OTUB1: variants seen among roughly 807,000 people sequenced by gnomAD.
The protein encoded by OTUB1 is ubiquitin thioesterase OTUB1.
A neutral mutation model predicts 35.8 loss-of-function variants in OTUB1; 10 were observed. The observed-to-expected ratio is 0.28, with a 90% CI of 0.17 to 0.47. The LOEUF (loss-of-function observed/expected upper bound fraction) is 0.47. Among genes scored for constraint, OTUB1 ranks in the 20% least tolerant of loss-of-function variants. The pLI is 0.99. For missense variants in OTUB1, 264 were observed against 351.6 expected, an observed-to-expected ratio of 0.75 and a Z score of 1.99; for synonymous variants, 158 against 143.8, an observed-to-expected ratio of 1.10 and a Z score of -0.71.
chr11:63,986,719 A>G, intron 1 of OTUB1: 2 of 542,158 alleles, frequency 3.7e-6, no homozygotes, highest in Non-Finnish European at 6.5e-6. Flanking sequence ...AGCACGGGCG[A>G]GGCGGGCCAA....
At position 63,997,663 on chromosome 11, in the gene OTUB1, ACCCCC is replaced by A. The variant is rs35556442; in HGVS notation, c.*122_*126del. Reference sequence around the variant, plus strand: ...TTCACCCCCTTCTTCCTGTCACATGACCCCCCCCCATGTTTTATTAAAGGGGGTGC... The same window carrying A: ...TTCACCCCCTTCTTCCTGTCACATGACCCCATGTTTTATTAAAGGGGGTGC... On this transcript the variant is annotated 3_prime_UTR_variant, in exon 7 of 7. Coordinates refer to ENST00000538426, the MANE Select transcript of OTUB1 (RefSeq NM_017670.3). 3 of 784,060 alleles carry A rather than the reference ACCCCC, an allele frequency of 3.8e-6. No individual in the cohort carries two copies. Among genetic ancestry groups the A allele is most frequent in the Non-Finnish European group, 6.4e-6 (3 of 465,730 alleles). 48.6% of individuals were successfully genotyped at this position (784,060 alleles called of 1,614,324 possible). A position where few individuals can be genotyped will look rare whatever the true frequency, so the allele number is the denominator to read the frequency against.
intron 3 of OTUB1, among the ~76,000 whole-genome samples, chr11:63,994,470 C>T (rs1373932310): frequency 6.6e-6 from 1 of 152,232 alleles, no homozygotes; most frequent in Non-Finnish European, 1.5e-5. Flanking sequence ...CCAGGATGGT[C>T]TTGATCTCTT....
intron 1 of OTUB1, 21 bp downstream of exon 1, chr11:63,986,535 G>A: frequency 6.5e-7 from 1 of 1,537,270 alleles, no homozygotes. Context: ...AAGGAGGGAT[G>A]TCCGGCCCGG....
Position 63,998,010 on chromosome 11 carries a change from A to G in OTUB1, c.*464A>G. 1 of 536,158 alleles carries G rather than the reference A, an allele frequency of 1.9e-6. No homozygotes were observed. Among genetic ancestry groups the G allele is most frequent in the Non-Finnish European group, 3.3e-6 (1 of 300,160 alleles). 33.2% of individuals were successfully genotyped at this position (536,158 alleles called of 1,614,324 possible). A position where few individuals can be genotyped will look rare whatever the true frequency, so the allele number is the denominator to read the frequency against. ...CACCTCCACGTCCCGGCTGGGCCCC[A>G]GACCCCAGCTTCCTGCCCTCCACCG... On this transcript the variant is annotated 3_prime_UTR_variant, in exon 7 of 7. Coordinates refer to ENST00000538426, the MANE Select transcript of OTUB1 (RefSeq NM_017670.3).
intron 1 of OTUB1, chr11:63,986,908 C>T (rs1448184468): frequency 3.6e-5 from 7 of 197,040 alleles, no homozygotes; most frequent in Non-Finnish European, 7.1e-5. Context: ...CGGCGGCCCG[C>T]GCCGTGAGGG....
intron 3 of OTUB1, among the ~76,000 whole-genome samples, chr11:63,995,319 C>T (rs1357956898): frequency 6.6e-6 from 1 of 152,146 alleles, no homozygotes; most frequent in Non-Finnish European, 1.5e-5. Context: ...GCTTCAGCCT[C>T]CCGAGTAGCT....
chr11:63,990,896 G>C (rs1314716965), intron 3 of OTUB1, among the ~76,000 whole-genome samples: 1 of 152,170 alleles, frequency 6.6e-6, no homozygotes, highest in East Asian at 1.9e-4. Flanking sequence ...CTCCAGATCT[G>C]TTTTTCCAAG....
chr11:63,990,760 A>T (rs1424220618), intron 3 of OTUB1: 1 of 152,164 alleles, frequency 6.6e-6, no homozygotes, highest in African/African-American at 2.4e-5. Flanking sequence ...CAGGTAGGTA[A>T]CCCAGGTGAT....
intron 1 of OTUB1, chr11:63,986,794 A>C (rs1432193541): frequency 4.8e-6 from 2 of 415,634 alleles, no homozygotes; most frequent in Admixed American, 8.5e-5. Flanking sequence ...CCCTCTGCCC[A>C]ACCCCTCGGC....
Position 63,997,443 on chromosome 11 carries a change from G to A in OTUB1, c.713G>A (p.Arg238His). 2.5e-6 allele frequency: 4 copies of A among 1,614,078 alleles called. No homozygotes were observed. The highest frequency in any genetic ancestry group is 3.4e-6 in the Non-Finnish European group (4 of 1,179,996). The change falls in exon 7 of 7, where the codon CGC (arginine) becomes CAC (histidine). Residue 238 changes from arginine to histidine, a missense_variant. By Grantham distance (29) the Arg-to-His change is conservative. Coordinates refer to ENST00000538426, the MANE Select transcript of OTUB1 (RefSeq NM_017670.3). ...TCCATCCAGGTGGAGTACATGGACC[G>A]CGGCGAGGGCGGCACCACCAATCCG... Reference protein sequence around the residue: ...SVSIQVEYMDRGEGGTTNPHI... With the variant: ...SVSIQVEYMDHGEGGTTNPHI...
In OTUB1 at chr11:63,997,468, G is replaced by A. The variant is rs777826283; in HGVS notation, c.738G>A (p.Pro246=). 3 of 1,614,090 alleles carry A rather than the reference G, an allele frequency of 1.9e-6. No individual in the cohort carries two copies. The highest frequency in any genetic ancestry group is 1.1e-5 in the South Asian group (1 of 91,090). ...GCGGCGAGGGCGGCACCACCAATCC[G>A]CACATCTTCCCTGAGGGCTCCGAGC... ...MDRGEGGTTN[P]HIFPEGSEPK... The change falls in exon 7 of 7, where the codon CCG becomes CCA. Residue 246 remains proline, a synonymous_variant. Coordinates refer to ENST00000538426, the MANE Select transcript of OTUB1 (RefSeq NM_017670.3).
At position 63,996,896 on chromosome 11, in the gene OTUB1, G is replaced by A; in HGVS notation, c.378G>A (p.Val126=). Residue 126 remains valine, a synonymous_variant, in exon 5 of 7, where the codon GTG becomes GTA. Transcript: ENST00000538426. ...AVSAKSKEDL[V]SQGFTEFTIE... ...CTGCCAAGAGCAAGGAAGACCTGGTGTCCCAGGGCTTCACTGAATTCACAA... is the reference window on the plus strand; with the variant it reads ...CTGCCAAGAGCAAGGAAGACCTGGTATCCCAGGGCTTCACTGAATTCACAA... 1.2e-6 allele frequency: 2 copies of A among 1,614,108 alleles called. No individual in the cohort carries two copies. Among genetic ancestry groups the A allele is most frequent in the South Asian group, 1.1e-5 (1 of 91,084 alleles).
intron 3 of OTUB1, chr11:63,989,385 C>A (rs1265164425): frequency 6.6e-6 from 1 of 151,794 alleles, no homozygotes; most frequent in African/African-American, 2.4e-5. Flanking sequence ...TTGGCAAGTC[C>A]TTTAGTGTCT....
At chr11:63,991,049 G>A (rs55956041) in intron 3 of OTUB1, among the ~76,000 whole-genome samples, 14,100 of 152,208 alleles carry the variant, frequency 0.093, 2,220 homozygotes, top group African/African-American at 0.32. Flanking sequence ...CCCCTCCTCA[G>A]GGAGCTAGAT....
At chr11:63,992,329 C>T (rs973881133) in intron 3 of OTUB1, among the ~76,000 whole-genome samples, 17 of 151,750 alleles carry the variant, frequency 1.1e-4, no homozygotes, top group Non-Finnish European at 1.9e-4. Flanking sequence ...GACCGGGGAG[C>T]GAGTCACAGG....
chr11:63,988,995 T>G, intron 3 of OTUB1: 1 of 351,304 alleles, frequency 2.8e-6, no homozygotes, highest in Non-Finnish European at 5.0e-6. Flanking sequence ...GCCTGGGTGA[T>G]AAGAGCAAAA....
At chr11:63,990,866 G>A (rs1271006386) in intron 3 of OTUB1, among the ~76,000 whole-genome samples, 2 of 152,144 alleles carry the variant, frequency 1.3e-5, no homozygotes, top group African/African-American at 2.4e-5. Flanking sequence ...TGGGGGAAAT[G>A]GGAGTGTCCA....
chr11:63,998,044 C>T lies in OTUB1; in HGVS notation c.*498C>T, dbSNP rs373062787. 155 of 484,034 alleles carry T rather than the reference C, an allele frequency of 3.2e-4. 1 individual carries two copies. Among genetic ancestry groups the T allele is most frequent in the African/African-American group, 2.7e-3 (137 of 51,270 alleles). 30.0% of individuals were successfully genotyped at this position (484,034 alleles called of 1,614,324 possible). On this transcript the variant is annotated 3_prime_UTR_variant, in exon 7 of 7. Transcript: ENST00000538426. ...CTTCCTGCCCTCCACCGGGAGTCTG[C>T]ATGGTTGGGAGTCCTGGGTGGAGGG... is the stretch of plus-strand genomic sequence containing the variant.
intron 3 of OTUB1, among the ~76,000 whole-genome samples, chr11:63,996,286 T>G (rs1942715959): frequency 6.6e-6 from 1 of 152,204 alleles, no homozygotes; most frequent in South Asian, 2.1e-4. Context: ...CGCAGAACTT[T>G]AGTGACCCAT....
Sources: gnomAD v4.1 joint callset for allele counts (sites outside exome capture counted in the v4.1 genomes callset) on GRCh38, gnomAD v4.1.1 for gene constraint, MANE v1.5 for transcripts, NCBI Gene and HGNC (gene_info 2026-07-23, HGNC 2026-07-21) for gene names.